TFEB: variants seen among roughly 807,000 people sequenced by gnomAD.
TFEB encodes the protein transcription factor EB.
TFEB carries 12 observed loss-of-function variants against 48.0 expected under a neutral mutation model. That is an observed-to-expected ratio of 0.25 (90% CI 0.16 to 0.40). TFEB has a LOEUF of 0.40. TFEB is among the 10% of genes least tolerant of loss of function. The pLI is 1.00. For missense variants in TFEB, 509 were observed against 640.3 expected, an observed-to-expected ratio of 0.79 and a Z score of 2.21; for synonymous variants, 244 against 261.4, an observed-to-expected ratio of 0.93 and a Z score of 0.64.
intron 1 of TFEB, among the ~76,000 whole-genome samples, chr6:41,695,557 A>C (rs546523562): frequency 6.6e-6 from 1 of 152,258 alleles, no homozygotes; most frequent in Non-Finnish European, 1.5e-5. Flanking sequence ...GAACTCACTC[A>C]AGGTTACACA....
chr6:41,721,069 T>G (rs1581927844), intron 1 of TFEB, among the ~76,000 whole-genome samples: 1 of 136,528 alleles, frequency 7.3e-6, no homozygotes, highest in South Asian at 2.3e-4. Context: ...CATCACCCCC[T>G]CTCATCGTCC....
At chr6:41,696,442 C>T (rs974206329) in intron 1 of TFEB, among the ~76,000 whole-genome samples, 1 of 152,178 alleles carries the variant, frequency 6.6e-6, no homozygotes, top group African/African-American at 2.4e-5. Flanking sequence ...CCTGTAATCC[C>T]AGCACTTTGG....
intron 1 of TFEB, among the ~76,000 whole-genome samples, chr6:41,726,935 G>A (rs1771236709): frequency 6.6e-6 from 1 of 152,288 alleles, no homozygotes; most frequent in African/African-American, 2.4e-5. Context: ...CCTATAGTTA[G>A]GCACAGGTCT....
At chr6:41,701,944 C>G (rs1417702179) in intron 1 of TFEB, among the ~76,000 whole-genome samples, 1 of 109,694 alleles carries the variant, frequency 9.1e-6, no homozygotes, top group East Asian at 2.8e-4. Flanking sequence ...GGCTCCGTCT[C>G]AAAAAAAAAA....
intron 3 of TFEB, among the ~76,000 whole-genome samples, chr6:41,690,257 A>G (rs1387807138): frequency 6.6e-6 from 1 of 151,768 alleles, no homozygotes; most frequent in African/African-American, 2.4e-5. Context: ...CAGCCTCCCA[A>G]GTAGCTGGGA....
At position 41,700,205 on chromosome 6, in the gene TFEB, G is replaced by A. The variant is rs113681430; in HGVS notation, c.-22-8970C>T. 3.1e-3 allele frequency among the ~76,000 whole-genome samples: 473 copies of A among 150,818 alleles called. 2 individuals are homozygous for A. In the Middle Eastern group the frequency reaches 0.044, roughly 14 times the overall value. ...AAAGAGGCTGGGCGCGGTGGCTCAC[G>A]CCTGTAATCCCAGCACTTTGGGAGG... is the stretch of plus-strand genomic sequence containing the variant. On this transcript the variant is annotated intron_variant, in intron 1 of 8. Coordinates refer to ENST00000373033, the MANE Select transcript of TFEB (RefSeq NM_001271944.2).
chr6:41,694,504 T>C (rs1769478136), intron 1 of TFEB, among the ~76,000 whole-genome samples: 1 of 151,600 alleles, frequency 6.6e-6, no homozygotes, highest in South Asian at 2.1e-4. Context: ...GGTTGCTGAG[T>C]GTGGTGTAGG....
chr6:41,727,299 A>T (rs751271050), intron 1 of TFEB, among the ~76,000 whole-genome samples: 1 of 152,194 alleles, frequency 6.6e-6, no homozygotes, highest in Non-Finnish European at 1.5e-5. Flanking sequence ...GAAGGAGAGA[A>T]GGGGAGACAA....
At chr6:41,731,022 G>A (rs2127278019) in intron 1 of TFEB, among the ~76,000 whole-genome samples, 1 of 152,280 alleles carries the variant, frequency 6.6e-6, no homozygotes, top group Non-Finnish European at 1.5e-5. Flanking sequence ...CAACCCATAG[G>A]TCTTTATTCC....
chr6:41,687,894 G>A lies in TFEB; in HGVS notation c.670+14C>T, dbSNP rs768487116. 12 of 1,612,226 alleles carry A rather than the reference G, an allele frequency of 7.4e-6. No individual in the cohort carries two copies. The highest frequency in any genetic ancestry group is 3.3e-5 in the Admixed American group (2 of 59,926). On this transcript the variant is annotated intron_variant, in intron 5 of 8. Transcript: ENST00000373033. ...TCGGGTATTCAAAGGCACAGGGGTA[G>A]AGGGAGGCAGTACCTGTGAGCTCTC... is the stretch of plus-strand genomic sequence containing the variant.
rs1771607416 is a variant in TFEB, at chr6:41,734,852, C to T, written c.-23+498G>A. The T allele has an allele frequency of 3.1e-6, 3 of 979,888 alleles. No individual in the cohort carries two copies. In the African/African-American group the frequency reaches 5.3e-5, roughly 17 times the overall value. The allele number at this position is 979,888 out of a possible 1,614,324, so 60.7% of individuals were successfully genotyped here. A position where few individuals can be genotyped will look rare whatever the true frequency, so the allele number is the denominator to read the frequency against. On this transcript the variant is annotated intron_variant, in intron 1 of 8. Coordinates refer to ENST00000373033, the MANE Select transcript of TFEB (RefSeq NM_001271944.2). The surrounding 1 kb of genome is among the most constrained non-coding windows in gnomAD (Gnocchi z 4.0). ...GCGTGGCGCCGCTCTGGCCCTCCCA[C>T]TCCCCCCGCTGGCCTGGCCAGACTC...
chr6:41,708,909 G>A (rs760465549), intron 1 of TFEB, among the ~76,000 whole-genome samples: 9 of 152,206 alleles, frequency 5.9e-5, no homozygotes, highest in Non-Finnish European at 1.2e-4. Context: ...CCCACTTGGC[G>A]GAAGGTTAAG....
chr6:41,693,630 G>A (rs561189547), intron 1 of TFEB, among the ~76,000 whole-genome samples: 1 of 152,228 alleles, frequency 6.6e-6, no homozygotes, highest in East Asian at 1.9e-4. Flanking sequence ...TCCCGACAAG[G>A]TAGGAAGGCA....
At position 41,717,145 on chromosome 6, in the gene TFEB, C is replaced by A. The variant is rs544771472; in HGVS notation, c.-23+18205G>T. On this transcript the variant is annotated intron_variant, in intron 1 of 8. Coordinates refer to ENST00000373033, the MANE Select transcript of TFEB (RefSeq NM_001271944.2). ...AAATAGGGCCCCCCAGCTCGAAAATCGTGCTTCATTTCATGTCTCACCTGT... is the reference window on the plus strand; with the variant it reads ...AAATAGGGCCCCCCAGCTCGAAAATAGTGCTTCATTTCATGTCTCACCTGT... Among the ~76,000 whole-genome samples, 5 of 152,302 alleles carry A rather than the reference C, an allele frequency of 3.3e-5. No homozygotes were observed. In the South Asian group the frequency reaches 1.0e-3, roughly 32 times the overall value.
At chr6:41,733,842 G>C (rs985581947) in intron 1 of TFEB, 3 of 985,536 alleles carry the variant, frequency 3.0e-6, no homozygotes, top group Non-Finnish European at 2.4e-6. Context: ...CTAACCGAGC[G>C]CATCCGCATC....
At chr6:41,728,240 C>T (rs888839733) in intron 1 of TFEB, among the ~76,000 whole-genome samples, 12 of 152,228 alleles carry the variant, frequency 7.9e-5, no homozygotes, top group Admixed American at 5.2e-4. Flanking sequence ...TGTTCCCACC[C>T]GCCCTGCTTG....
chr6:41,714,126 CGTGTGCATGTGTGCGT>C (rs1561866624), intron 1 of TFEB, among the ~76,000 whole-genome samples: 4 of 119,258 alleles, frequency 3.4e-5, no homozygotes, highest in Admixed American at 2.5e-4. Context: ...TGTGTGTGTG[CGTGTGCATGTGTGCGT>C]GTGTGTGCAT....
At chr6:41,729,358 C>G (rs1390111132) in intron 1 of TFEB, among the ~76,000 whole-genome samples, 1 of 152,198 alleles carries the variant, frequency 6.6e-6, no homozygotes, top group Non-Finnish European at 1.5e-5. Context: ...GAAAAGGGAA[C>G]AGCTTATTTC....
chr6:41,722,772 A>C (rs1213029937), intron 1 of TFEB, among the ~76,000 whole-genome samples: 2 of 152,222 alleles, frequency 1.3e-5, no homozygotes, highest in Non-Finnish European at 2.9e-5. Context: ...AGCCCTGGGC[A>C]GTTTTTTGCC....
Sources: allele counts gnomAD v4.1 joint callset (sites outside exome capture counted in the v4.1 genomes callset), GRCh38; gene constraint gnomAD v4.1.1; non-coding constraint Gnocchi (gnomAD v3.1); transcripts MANE v1.5; gene names NCBI Gene and HGNC (gene_info 2026-07-23, HGNC 2026-07-21).